The following TFPI variants were observed in gnomAD, a reference collection of about 807,000 sequenced individuals.
TFPI encodes the protein anti-convertin.
Under a neutral mutation model 34.6 loss-of-function variants are expected in TFPI, and 15 were observed. The ratio of observed to expected loss-of-function variants is 0.43; its 90% CI spans 0.29 to 0.67. The LOEUF (loss-of-function observed/expected upper bound fraction) is 0.67, where lower values mean the gene tolerates loss of function less well. TFPI is among the 30% of genes least tolerant of loss of function. The probability of loss-of-function intolerance (pLI) is 0.15; values close to 1 mark genes in which losing one functional copy is unlikely to be tolerated. For synonymous variants in TFPI, 105 were observed against 120.1 expected, an observed-to-expected ratio of 0.87 and a Z score of 0.82; for missense variants, 301 against 364.0, an observed-to-expected ratio of 0.83 and a Z score of 1.41.
intron 1 of TFPI, among the ~76,000 whole-genome samples, chr2:187,522,731 A>AC (rs1432024955): frequency 1.4e-5 from 2 of 148,136 alleles, no homozygotes; most frequent in Non-Finnish European, 1.5e-5. Context: ...AAAATACAAA[A>AC]AAAAAAAAAA....
intron 1 of TFPI, among the ~76,000 whole-genome samples, chr2:187,535,789 C>T (rs574307567): frequency 1.4e-4 from 21 of 152,010 alleles, no homozygotes; most frequent in Non-Finnish European, 2.5e-4. Flanking sequence ...TCACTGAATC[C>T]AGGAGCTGGT....
Position 187,475,765 on chromosome 2 carries a change from C to T in TFPI, c.629-7833G>A, listed in dbSNP as rs1692335201. ...AATGCTCTCAACCACTAAGATATGT[C>T]ATTCTGAAAACTAACTAGAAAATTA... On this transcript the variant is annotated intron_variant, in intron 6 of 7. Transcript: ENST00000233156. Among the ~76,000 whole-genome samples the T allele has an allele frequency of 1.3e-5, 2 of 152,112 alleles. 1 individual carries two copies. Among genetic ancestry groups the T allele is most frequent in the South Asian group, 4.1e-4 (2 of 4,828 alleles).
chr2:187,522,197 G>A lies in TFPI; in HGVS notation c.-2-18427C>T, dbSNP rs542581414. Among the ~76,000 whole-genome samples, 35 of 152,042 alleles carry A rather than the reference G, an allele frequency of 2.3e-4. No individual in the cohort carries two copies. The South Asian group carries it at 4.8e-3, about 21-fold the overall frequency. On this transcript the variant is annotated intron_variant, in intron 1 of 7. Transcript: ENST00000233156. ...TTCTGTTGATTGTTTCTTTTGCCACGCAGAGCTTTTTAATTTGATGTAATC... is the reference window on the plus strand; with the variant it reads ...TTCTGTTGATTGTTTCTTTTGCCACACAGAGCTTTTTAATTTGATGTAATC...
At chr2:187,497,819 T>C (rs946317250) in intron 2 of TFPI, among the ~76,000 whole-genome samples, 3 of 151,936 alleles carry the variant, frequency 2.0e-5, no homozygotes, top group Non-Finnish European at 4.4e-5. Context: ...TTTATTTTTT[T>C]CAAGTCCAAT....
intron 1 of TFPI, chr2:187,514,595 C>T (rs1686866087): frequency 1.3e-5 from 2 of 152,184 alleles, no homozygotes; most frequent in African/African-American, 4.8e-5. Flanking sequence ...ATCAATCAGT[C>T]AGCCCTGGTT....
chr2:187,479,168 T>G (rs1035090656), intron 6 of TFPI, among the ~76,000 whole-genome samples: 6 of 152,016 alleles, frequency 3.9e-5, no homozygotes, highest in Admixed American at 6.6e-5. Flanking sequence ...AAGGCCAATT[T>G]GAATGGACGG....
At chr2:187,540,142 A>G (rs778745899) in intron 1 of TFPI, among the ~76,000 whole-genome samples, 4 of 152,052 alleles carry the variant, frequency 2.6e-5, no homozygotes, top group South Asian at 2.1e-4. Context: ...AGCTCAGGCA[A>G]TCCACCTGCC....
chr2:187,474,232 CATTT>C (rs1692227745), intron 6 of TFPI, among the ~76,000 whole-genome samples: 1 of 151,914 alleles, frequency 6.6e-6, no homozygotes, highest in Non-Finnish European at 1.5e-5. Flanking sequence ...AAAAAATTAA[CATTT>C]AGTCTGTTGA....
chr2:187,493,802 A>G (rs1052130008), intron 3 of TFPI, among the ~76,000 whole-genome samples: 2 of 152,170 alleles, frequency 1.3e-5, no homozygotes, highest in African/African-American at 4.8e-5. Flanking sequence ...AACTTCCCAA[A>G]AAGTTCCTCA....
chr2:187,517,822 C>G (rs1559138687), intron 1 of TFPI: 1 of 152,196 alleles, frequency 6.6e-6, no homozygotes, highest in Non-Finnish European at 1.5e-5. Context: ...AATCTGGGTG[C>G]TCCTGTATTG....
At chr2:187,550,815 A>G (rs564398504) in intron 1 of TFPI, among the ~76,000 whole-genome samples, 1 of 152,258 alleles carries the variant, frequency 6.6e-6, no homozygotes, top group South Asian at 2.1e-4. Context: ...ATTCATAATA[A>G]ACACCATTAT....
intron 1 of TFPI, among the ~76,000 whole-genome samples, chr2:187,528,187 C>T (rs79319604): frequency 6.6e-4 from 101 of 152,060 alleles, no homozygotes; most frequent in African/African-American, 2.4e-3. Context: ...CAGCCCAAAC[C>T]CTAATTAACC....
chr2:187,543,049 G>A (rs1688667781), intron 1 of TFPI, among the ~76,000 whole-genome samples: 1 of 152,194 alleles, frequency 6.6e-6, no homozygotes, highest in Non-Finnish European at 1.5e-5. Flanking sequence ...ACTTTGACAG[G>A]TGCTGGTAAG....
rs993426319 is a variant in TFPI, at chr2:187,466,397, G to A, written c.*539C>T. ...GATGGAAGTACTGGTTAGTACAAAAGGAGAAAAACTATGTCTAAGGAGGGA... is the reference window on the plus strand; with the variant it reads ...GATGGAAGTACTGGTTAGTACAAAAAGAGAAAAACTATGTCTAAGGAGGGA... On this transcript the variant is annotated 3_prime_UTR_variant, in exon 8 of 8. Coordinates refer to ENST00000233156, the MANE Select transcript of TFPI (RefSeq NM_006287.6). 1.3e-5 allele frequency: 2 copies of A among 152,282 alleles called. No individual in the cohort carries two copies. The highest frequency in any genetic ancestry group is 2.9e-5 in the Non-Finnish European group (2 of 68,292). The allele number at this position is 152,282 out of a possible 1,614,324, so 9.4% of individuals were successfully genotyped here.
intron 1 of TFPI, among the ~76,000 whole-genome samples, chr2:187,552,170 G>C (rs1394965347): frequency 2.0e-5 from 3 of 150,994 alleles, no homozygotes; most frequent in African/African-American, 7.3e-5. Flanking sequence ...CTTGTATTAG[G>C]TAGAGATATC....
intron 6 of TFPI, among the ~76,000 whole-genome samples, chr2:187,481,933 C>G (rs1289379711): frequency 1.3e-5 from 2 of 151,904 alleles, no homozygotes; most frequent in Non-Finnish European, 2.9e-5. Context: ...TTTACTTTTA[C>G]AAGCATTTAT....
At chr2:187,467,163 C>A (rs111681715) in intron 7 of TFPI, 121 bp from the exon 8 acceptor site, 9,200 of 651,848 alleles carry the variant, frequency 0.014, 94 homozygotes, top group Non-Finnish European at 0.017. Flanking sequence ...GATTTAAAAG[C>A]CTTTAATTTG....
chr2:187,520,196 GA>G (rs1374176310), intron 1 of TFPI, among the ~76,000 whole-genome samples: 4 of 151,910 alleles, frequency 2.6e-5, no homozygotes, highest in Admixed American at 6.5e-5. Context: ...ACTGGGGTAT[GA>G]AAAAAACTCC....
At chr2:187,514,512 A>C (rs1422401202) in intron 1 of TFPI, 1 of 152,202 alleles carries the variant, frequency 6.6e-6, no homozygotes, top group Non-Finnish European at 1.5e-5. Context: ...CGTGTCTCTC[A>C]TGACAGGGAG....
Sources: gnomAD v4.1 joint callset for allele counts (sites outside exome capture counted in the v4.1 genomes callset) on GRCh38, gnomAD v4.1.1 for gene constraint, MANE v1.5 for transcripts, NCBI Gene and HGNC (gene_info 2026-07-23, HGNC 2026-07-21) for gene names.